The following SCARA3 variants were observed in gnomAD, a reference collection of about 807,000 sequenced individuals.
SCARA3 encodes cellular stress response gene protein.
In SCARA3, 39 loss-of-function variants were observed where a neutral mutation model predicts 47.0. That is an observed-to-expected ratio of 0.83 (90% CI 0.64 to 1.08). The LOEUF is 1.08. Among genes scored for constraint, SCARA3 ranks in the 50% least tolerant of loss-of-function variants. The pLI is 0.00. For synonymous variants in SCARA3, 356 were observed against 334.1 expected, an observed-to-expected ratio of 1.07 and a Z score of -0.71; for missense variants, 724 against 792.3, an observed-to-expected ratio of 0.91 and a Z score of 1.04.
At chr8:27,709,239 C>T in the SCARA3 span, among the ~76,000 whole-genome samples, 28 of 152,306 alleles carry the variant, frequency 1.8e-4, 1 homozygote, top group African/African-American at 6.3e-4. Context: ...GTGCAGGTTT[C>T]TAACCTGTGA....
At chr8:27,726,677 G>A in the SCARA3 span, among the ~76,000 whole-genome samples, 1 of 152,004 alleles carries the variant, frequency 6.6e-6, no homozygotes, top group Non-Finnish European at 1.5e-5. Flanking sequence ...TCTAGCCTGG[G>A]CAATAAGAGC....
chr8:27,707,735 C>CA, the SCARA3 span, among the ~76,000 whole-genome samples: 356 of 131,150 alleles, frequency 2.7e-3, no homozygotes, highest in Non-Finnish European at 4.6e-3. Context: ...GAGCCTGCCA[C>CA]AAAAAATTTT....
the SCARA3 span, among the ~76,000 whole-genome samples, chr8:27,683,671 A>G: frequency 2.0e-5 from 3 of 152,224 alleles, no homozygotes; most frequent in Admixed American, 1.3e-4. Context: ...AAAGAAAAAC[A>G]TAGTCTACAA....
chr8:27,712,432 G>A, the SCARA3 span, among the ~76,000 whole-genome samples: 15 of 150,488 alleles, frequency 1.0e-4, no homozygotes, highest in South Asian at 2.1e-4. Context: ...GCGTAGTGGC[G>A]GGCGCCTGTA....
At chr8:27,698,320 G>A in the SCARA3 span, among the ~76,000 whole-genome samples, 1 of 152,288 alleles carries the variant, frequency 6.6e-6, no homozygotes, top group Non-Finnish European at 1.5e-5. Flanking sequence ...TATTGTAAGG[G>A]AAGATTATTT....
intron 5 of SCARA3, among the ~76,000 whole-genome samples, chr8:27,665,886 T>C (rs915773228): frequency 6.6e-6 from 1 of 152,224 alleles, no homozygotes; most frequent in African/African-American, 2.4e-5. Context: ...GGCAGAGTGC[T>C]TGGCTCTTGG....
chr8:27,646,095 C>T (rs1187536382), intron 1 of SCARA3, among the ~76,000 whole-genome samples: 4 of 152,128 alleles, frequency 2.6e-5, no homozygotes, highest in Non-Finnish European at 5.9e-5. Flanking sequence ...CAGTCCGGGG[C>T]TTAGTGCTGG....
the SCARA3 span, among the ~76,000 whole-genome samples, chr8:27,731,404 G>A: frequency 4.6e-5 from 7 of 151,830 alleles, no homozygotes; most frequent in Non-Finnish European, 8.8e-5. Context: ...TTCTGCCTCA[G>A]CTGTTGATGT....
At chr8:27,730,427 G>C in the SCARA3 span, among the ~76,000 whole-genome samples, 65,789 of 151,470 alleles carry the variant, frequency 0.43, 14,793 homozygotes, top group Middle Eastern at 0.51. Flanking sequence ...CTTCCGCCAG[G>C]CCTAGAAGCA....
intron 4 of SCARA3, among the ~76,000 whole-genome samples, chr8:27,657,401 G>T (rs998577667): frequency 1.3e-5 from 2 of 149,326 alleles, no homozygotes; most frequent in Non-Finnish European, 3.0e-5. Flanking sequence ...GTTTGGGGGG[G>T]TAGAAATGAT....
the SCARA3 span, among the ~76,000 whole-genome samples, chr8:27,726,453 C>T: frequency 6.6e-6 from 1 of 152,084 alleles, no homozygotes; most frequent in Admixed American, 6.5e-5. Context: ...GATCCCAGCA[C>T]TTTGGGAAGC....
At chr8:27,673,896 T>A (rs1169560042), downstream of SCARA3, among the ~76,000 whole-genome samples, 1 of 152,174 alleles carries the variant, frequency 6.6e-6, no homozygotes, top group Non-Finnish European at 1.5e-5. Flanking sequence ...TGGGGGAGTC[T>A]GAGGCTCAAG....
chr8:27,721,894 C>T, the SCARA3 span, among the ~76,000 whole-genome samples: 7 of 152,084 alleles, frequency 4.6e-5, no homozygotes, highest in African/African-American at 1.7e-4. Flanking sequence ...CCAGCCTGGG[C>T]AATGTAGCGA....
chr8:27,700,856 C>A, the SCARA3 span, among the ~76,000 whole-genome samples: 1 of 152,154 alleles, frequency 6.6e-6, no homozygotes, highest in Admixed American at 6.5e-5. Context: ...TGGTACAACC[C>A]TTTTGGAAAA....
At chr8:27,710,087 G>A in the SCARA3 span, among the ~76,000 whole-genome samples, 1 of 152,132 alleles carries the variant, frequency 6.6e-6, no homozygotes, top group Non-Finnish European at 1.5e-5. Flanking sequence ...AAAATTAGTA[G>A]GGTGTGGTGG....
Position 27,671,174 on chromosome 8 carries a change from A to T in SCARA3, c.1644A>T (p.Pro548=). The T allele has an allele frequency of 6.6e-7, 1 of 1,524,072 alleles. No individual in the cohort carries two copies. The highest frequency in any genetic ancestry group is 8.8e-7 in the Non-Finnish European group (1 of 1,139,928). The allele number at this position is 1,524,072 out of a possible 1,614,324, so 94.4% of individuals were successfully genotyped here. Residue 548 remains proline (P), a synonymous_variant, in exon 6 of 6, where the codon CCA becomes CCT. Transcript: ENST00000301904. ...GPKGDIGPPG[P]EGPPGSPGPS... ...AAGGGGACATAGGGCCCCCAGGGCC[A>T]GAAGGGCCCCCGGGGTCTCCAGGGC...
Position 27,634,223 on chromosome 8 carries a change from C to A in SCARA3, c.7+16C>A. On this transcript the variant is annotated intron_variant, in intron 1 of 5. Transcript: ENST00000301904. ...ACCATGAAAGGTAAGGGCGGCCTGT[C>A]GGGGGCAGCTCCGAGGGGGGCCGCC... 2.9e-6 allele frequency: 4 copies of A among 1,357,780 alleles called. No individual in the cohort carries two copies. The highest frequency in any genetic ancestry group is 3.8e-6 in the Non-Finnish European group (4 of 1,056,212). The allele number at this position is 1,357,780 out of a possible 1,614,324, so 84.1% of individuals were successfully genotyped here.
the SCARA3 span, among the ~76,000 whole-genome samples, chr8:27,688,618 C>A: frequency 6.6e-6 from 1 of 152,086 alleles, no homozygotes; most frequent in Admixed American, 6.5e-5. Context: ...ATTGCTTGAG[C>A]CTGGGAGGTA....
At chr8:27,683,272 G>A in the SCARA3 span, among the ~76,000 whole-genome samples, 1 of 152,098 alleles carries the variant, frequency 6.6e-6, no homozygotes, top group Non-Finnish European at 1.5e-5. Context: ...TGTAACCTAG[G>A]GCAGAAGTGG....
Sources: allele counts gnomAD v4.1 joint callset (sites outside exome capture counted in the v4.1 genomes callset), GRCh38; gene constraint gnomAD v4.1.1; transcripts MANE v1.5; gene names NCBI Gene and HGNC (gene_info 2026-07-23, HGNC 2026-07-21).